The following HDAC9 variants were observed in gnomAD, a reference collection of about 807,000 sequenced individuals.
The protein encoded by HDAC9 is histone deacetylase 9.
In HDAC9, 41 loss-of-function variants were observed where a neutral mutation model predicts 139.4. The ratio of observed to expected loss-of-function variants is 0.29; its 90% CI spans 0.23 to 0.38. The LOEUF (loss-of-function observed/expected upper bound fraction) is 0.38, where lower values mean the gene tolerates loss of function less well. Among genes scored for constraint, HDAC9 ranks in the 10% least tolerant of loss-of-function variants. The pLI is 1.00. For missense variants in HDAC9, 1,147 were observed against 1,297.0 expected (o/e 0.88, Z 1.78); for synonymous variants, 517 against 476.2 (o/e 1.09, Z -1.12).
At chr7:18,480,565 G>A (rs1402627312) in intron 1 of HDAC9, among the ~76,000 whole-genome samples, 2 of 152,152 alleles carry the variant, frequency 1.3e-5, no homozygotes, top group African/African-American at 4.8e-5. Flanking sequence ...AGAGCTGCAG[G>A]AGGCTTTCAA....
intron 21 of HDAC9, among the ~76,000 whole-genome samples, chr7:18,847,957 C>A (rs544531532): frequency 1.3e-5 from 2 of 152,286 alleles, no homozygotes; most frequent in South Asian, 4.1e-4. Context: ...TATGAAAGAA[C>A]AAGTTGAGTA....
intron 1 of HDAC9, among the ~76,000 whole-genome samples, chr7:18,385,902 T>C (rs1011047410): frequency 2.6e-5 from 4 of 151,990 alleles, no homozygotes; most frequent in African/African-American, 9.7e-5. Context: ...CTTTCCTTCT[T>C]CCCAGTTTGC....
At chr7:18,245,446 C>G (rs996546663) in intron 2 of HDAC9, among the ~76,000 whole-genome samples, 4 of 152,104 alleles carry the variant, frequency 2.6e-5, no homozygotes, top group African/African-American at 7.2e-5. Flanking sequence ...AAAACTCTAG[C>G]TCAGTAGCCT....
rs543321605 is a variant in HDAC9, at chr7:18,720,061, G to A, written c.1732-7519G>A. On this transcript the variant is annotated intron_variant, in intron 12 of 25. Transcript: ENST00000686413. The stretch of plus-strand genomic sequence containing the variant: ...TTACTGTACCTGTATAGTACAGTAA[G>A]TTTTGAAATTAGACTCTTCTTCCTA... Among the ~76,000 whole-genome samples, 266 of 152,162 alleles carry A rather than the reference G, an allele frequency of 1.7e-3. 2 individuals carry two copies. The highest frequency in any genetic ancestry group is 6.1e-3 in the African/African-American group (253 of 41,526).
intron 1 of HDAC9, among the ~76,000 whole-genome samples, chr7:18,471,870 A>G (rs751400641): frequency 6.6e-6 from 1 of 152,212 alleles, no homozygotes; most frequent in East Asian, 1.9e-4. Flanking sequence ...TGCTAGGAAG[A>G]TGCAACTAGT....
chr7:18,462,039 T>C (rs1793894718), intron 1 of HDAC9, among the ~76,000 whole-genome samples: 1 of 152,120 alleles, frequency 6.6e-6, no homozygotes, highest in Admixed American at 6.6e-5. Flanking sequence ...AAGTATTTCT[T>C]GTTATCATGT....
intron 1 of HDAC9, among the ~76,000 whole-genome samples, chr7:18,310,762 A>C (rs1799256605): frequency 6.6e-6 from 1 of 151,852 alleles, no homozygotes; most frequent in Non-Finnish European, 1.5e-5. Flanking sequence ...CAGGGGAAAG[A>C]GAAGTTGACA....
chr7:18,187,008 A>G (rs1562724417), intron 2 of HDAC9, among the ~76,000 whole-genome samples: 2 of 152,194 alleles, frequency 1.3e-5, no homozygotes, highest in African/African-American at 2.4e-5. Flanking sequence ...CATTTAAGCA[A>G]CTTTCAGTGT....
rs78963243 is a variant in HDAC9 at position 18,378,811 on chromosome 7, C to T, written c.-42+88296C>T. Among the ~76,000 whole-genome samples, 717 of 152,106 alleles carry T rather than the reference C, an allele frequency of 4.7e-3. 5 individuals carry two copies. Among genetic ancestry groups the T allele is most frequent in the African/African-American group, 0.016 (675 of 41,504 alleles). On this transcript the variant is annotated intron_variant, in intron 1 of 3. Coordinates refer to the HDAC9 transcript ENST00000413509. ...CTTCAATATGTCTACACAATTGAAG[C>T]GATAGAGCATATAGCAAAGGGAGCT...
chr7:18,223,696 C>T (rs1792862396), intron 2 of HDAC9, among the ~76,000 whole-genome samples: 1 of 152,002 alleles, frequency 6.6e-6, no homozygotes, highest in African/African-American at 2.4e-5. Flanking sequence ...ATTTCATTTT[C>T]ATTTTATACT....
intron 12 of HDAC9, among the ~76,000 whole-genome samples, chr7:18,704,932 T>C (rs1783767421): frequency 6.6e-6 from 1 of 152,192 alleles, no homozygotes. Flanking sequence ...TTTATTGATA[T>C]GAGGAAATGA....
At chr7:18,337,982 A>T (rs1019240977) in intron 1 of HDAC9, among the ~76,000 whole-genome samples, 8 of 151,754 alleles carry the variant, frequency 5.3e-5, no homozygotes, top group Non-Finnish European at 5.9e-5. Flanking sequence ...ATAATGAGAT[A>T]ATCAATGTGA....
chr7:18,601,730 G>T (rs571248271), intron 6 of HDAC9, among the ~76,000 whole-genome samples: 2 of 152,014 alleles, frequency 1.3e-5, no homozygotes, highest in Admixed American at 1.3e-4. Flanking sequence ...TGATATAATC[G>T]TACGATTTTT....
At chr7:18,605,047 G>A (rs1835073001) in intron 6 of HDAC9, among the ~76,000 whole-genome samples, 2 of 152,084 alleles carry the variant, frequency 1.3e-5, no homozygotes, top group Admixed American at 1.3e-4. Flanking sequence ...TGTTAATCTG[G>A]CTGGGGCTGG....
chr7:18,888,143 C>T (rs565245525), intron 22 of HDAC9, among the ~76,000 whole-genome samples: 1 of 152,260 alleles, frequency 6.6e-6, no homozygotes, highest in East Asian at 1.9e-4. Flanking sequence ...TTCACTGGGC[C>T]GGGTGCGGTG....
intron 1 of HDAC9, among the ~76,000 whole-genome samples, chr7:18,472,714 T>C (rs1295871690): frequency 6.6e-6 from 1 of 152,194 alleles, no homozygotes; most frequent in African/African-American, 2.4e-5. Context: ...CCTTTCTAAA[T>C]ACATAGAGCA....
chr7:18,639,726 A>G (rs1784981281), intron 8 of HDAC9, among the ~76,000 whole-genome samples: 1 of 152,084 alleles, frequency 6.6e-6, no homozygotes, highest in African/African-American at 2.4e-5. Flanking sequence ...TTCTTTTTAG[A>G]TAGCCTGGAT....
intron 1 of HDAC9, among the ~76,000 whole-genome samples, chr7:18,135,387 G>T (rs561860346): frequency 3.5e-4 from 49 of 140,906 alleles, no homozygotes; most frequent in Middle Eastern, 3.9e-3. Context: ...GTGCCATGCT[G>T]GTGCGCTGCA....
intron 16 of HDAC9, among the ~76,000 whole-genome samples, chr7:18,787,545 A>G (rs1480787080): frequency 2.0e-5 from 3 of 152,208 alleles, no homozygotes; most frequent in African/African-American, 7.2e-5. Flanking sequence ...AACATTTGAA[A>G]GTTAAAAGCA....
Sources: gnomAD v4.1 joint callset for allele counts (sites outside exome capture counted in the v4.1 genomes callset) on GRCh38, gnomAD v4.1.1 for gene constraint, MANE v1.5 for transcripts, NCBI Gene and HGNC (gene_info 2026-07-23, HGNC 2026-07-21) for gene names.